The following SLC2A13 variants were observed in gnomAD, a reference collection of about 807,000 sequenced individuals.
The protein encoded by SLC2A13 is solute carrier family 2 member 13.
In SLC2A13, 32 loss-of-function variants were observed where a neutral mutation model predicts 64.4. The ratio of observed to expected loss-of-function variants is 0.50; its 90% CI spans 0.37 to 0.67. The LOEUF (loss-of-function observed/expected upper bound fraction) is 0.67, where lower values mean the gene tolerates loss of function less well. Among genes scored for constraint, SLC2A13 ranks in the 30% least tolerant of loss-of-function variants. The pLI is 0.00. For missense variants in SLC2A13, 743 were observed against 829.2 expected (o/e 0.90, Z 1.28); for synonymous variants, 338 against 327.1 (o/e 1.03, Z -0.36).
chr12:39,825,142 G>A (rs1459011817), intron 7 of SLC2A13, among the ~76,000 whole-genome samples: 1 of 152,114 alleles, frequency 6.6e-6, no homozygotes, highest in Non-Finnish European at 1.5e-5. Context: ...CAGAGCTAAA[G>A]TGCTGTATTA....
intron 4 of SLC2A13, among the ~76,000 whole-genome samples, chr12:39,923,785 T>TA (rs1465182811): frequency 2.7e-4 from 40 of 150,450 alleles, no homozygotes; most frequent in Non-Finnish European, 1.5e-4. Flanking sequence ...AACTGACTAG[T>TA]AACAAAAGCT....
intron 3 of SLC2A13, among the ~76,000 whole-genome samples, chr12:39,988,976 G>A (rs1219025000): frequency 6.6e-6 from 1 of 152,004 alleles, no homozygotes; most frequent in African/African-American, 2.4e-5. Flanking sequence ...TATTCCAACA[G>A]CCTCCAATTT....
intron 6 of SLC2A13, among the ~76,000 whole-genome samples, chr12:39,859,333 G>C (rs1024837030): frequency 1.6e-5 from 1 of 62,010 alleles, no homozygotes; most frequent in Non-Finnish European, 2.8e-5. Context: ...TTTTTTTTCT[G>C]AAAAAAAAAA....
intron 4 of SLC2A13, among the ~76,000 whole-genome samples, chr12:39,931,560 G>C (rs998942879): frequency 1.3e-5 from 2 of 152,152 alleles, no homozygotes; most frequent in East Asian, 1.9e-4. Context: ...GTAAATCTTA[G>C]AGTTGTAACT....
intron 1 of SLC2A13, among the ~76,000 whole-genome samples, chr12:40,086,224 G>A (rs940574345): frequency 1.3e-5 from 2 of 152,038 alleles, no homozygotes; most frequent in Non-Finnish European, 2.9e-5. Context: ...CACCAATCAC[G>A]GATGCATTGG....
intron 7 of SLC2A13, among the ~76,000 whole-genome samples, chr12:39,817,689 T>A (rs895652426): frequency 2.6e-5 from 4 of 152,204 alleles, no homozygotes; most frequent in Admixed American, 6.5e-5. Flanking sequence ...TCTTAGTTTT[T>A]ACATACTTTA....
chr12:39,784,632 A>G (rs1941118812), intron 7 of SLC2A13, among the ~76,000 whole-genome samples: 1 of 152,208 alleles, frequency 6.6e-6, no homozygotes, highest in Non-Finnish European at 1.5e-5. Context: ...CTAGAAGAAA[A>G]TCTAGGCAAT....
chr12:40,017,597 A>T (rs1004832630), intron 3 of SLC2A13, among the ~76,000 whole-genome samples: 2 of 152,184 alleles, frequency 1.3e-5, no homozygotes, highest in Non-Finnish European at 2.9e-5. Context: ...TGGTGCATCA[A>T]GCCATTTTGA....
intron 3 of SLC2A13, among the ~76,000 whole-genome samples, chr12:40,021,639 G>A (rs1267369367): frequency 3.3e-5 from 5 of 152,104 alleles, no homozygotes; most frequent in Admixed American, 2.0e-4. Flanking sequence ...TTAGAAAATT[G>A]CAGGTCATCT....
At chr12:39,887,573 T>G (rs1944500107) in intron 4 of SLC2A13, among the ~76,000 whole-genome samples, 1 of 152,092 alleles carries the variant, frequency 6.6e-6, no homozygotes, top group Non-Finnish European at 1.5e-5. Flanking sequence ...GGCAAGAAAT[T>G]ATTAGATTTT....
At chr12:40,104,459 G>A (rs2136312159) in intron 1 of SLC2A13, among the ~76,000 whole-genome samples, 1 of 152,284 alleles carries the variant, frequency 6.6e-6, no homozygotes, top group Non-Finnish European at 1.5e-5. Context: ...CATTTATCTT[G>A]CGGGGCATTT....
chr12:39,921,156 AGCT>A (rs1386420468), intron 4 of SLC2A13, among the ~76,000 whole-genome samples: 1 of 152,090 alleles, frequency 6.6e-6, no homozygotes, highest in Non-Finnish European at 1.5e-5. Flanking sequence ...ATCTATATAG[AGCT>A]GCAAGGGGGC....
intron 3 of SLC2A13, among the ~76,000 whole-genome samples, chr12:39,976,729 T>C (rs1482191433): frequency 6.6e-6 from 1 of 152,182 alleles, no homozygotes; most frequent in Non-Finnish European, 1.5e-5. Flanking sequence ...CAGTATGTCA[T>C]TTTTGTGTGT....
chr12:39,755,694 C>A lies in SLC2A13; in HGVS notation c.*4332G>T, dbSNP rs1184197751. 24 of 151,998 alleles carry A rather than the reference C, an allele frequency of 1.6e-4. No homozygotes were observed. The highest frequency in any genetic ancestry group is 1.6e-3 in the Admixed American group (24 of 15,214). The allele number at this position is 151,998 out of a possible 1,614,324, so 9.4% of individuals were successfully genotyped here. The stretch of plus-strand genomic sequence containing the variant: ...TATGCTGACATGACAAAATCAAACA[C>A]ATGAACTTAACTGTCTAAAATAAAA... On this transcript the variant is annotated 3_prime_UTR_variant, in exon 10 of 10. Coordinates refer to ENST00000280871, the MANE Select transcript of SLC2A13 (RefSeq NM_052885.4).
chr12:39,779,157 C>T (rs760779098), intron 7 of SLC2A13, among the ~76,000 whole-genome samples: 3 of 152,184 alleles, frequency 2.0e-5, no homozygotes, highest in Non-Finnish European at 4.4e-5. Flanking sequence ...CGGGGTGCAA[C>T]TGAAGACTGG....
chr12:39,904,854 C>T (rs1404219525), intron 4 of SLC2A13, among the ~76,000 whole-genome samples: 1 of 152,034 alleles, frequency 6.6e-6, no homozygotes, highest in Non-Finnish European at 1.5e-5. Flanking sequence ...TGTGCCCTGC[C>T]CCTGGATGAA....
chr12:39,771,972 T>C (rs1490251825), intron 7 of SLC2A13, among the ~76,000 whole-genome samples: 2 of 152,176 alleles, frequency 1.3e-5, no homozygotes, highest in African/African-American at 4.8e-5. Context: ...TGATATCTAC[T>C]GTCAGTATCT....
In SLC2A13 at chr12:39,815,548, G is replaced by T. The variant is rs565112490; in HGVS notation, c.1445+14555C>A. Reference sequence around the variant, plus strand: ...ATGTGTCCAGGCATAACGTCTGGCAGAGAGAACAACATTATCCCAACTTTG... The same window carrying T: ...ATGTGTCCAGGCATAACGTCTGGCATAGAGAACAACATTATCCCAACTTTG... On this transcript the variant is annotated intron_variant, in intron 7 of 9. Transcript: ENST00000280871. Among the ~76,000 whole-genome samples the T allele has an allele frequency of 4.6e-5, 7 of 152,292 alleles. No homozygotes were observed. In the South Asian group the frequency reaches 1.2e-3, roughly 27 times the overall value.
intron 1 of SLC2A13, among the ~76,000 whole-genome samples, chr12:40,092,680 G>A (rs548468902): frequency 1.3e-5 from 2 of 152,288 alleles, no homozygotes; most frequent in African/African-American, 2.4e-5. Flanking sequence ...AATCTGAAAC[G>A]TGGATTGGCT....
Sources: gnomAD v4.1 joint callset for allele counts (sites outside exome capture counted in the v4.1 genomes callset) on GRCh38, gnomAD v4.1.1 for gene constraint, MANE v1.5 for transcripts, NCBI Gene and HGNC (gene_info 2026-07-23, HGNC 2026-07-21) for gene names.